The following GRID2 variants were observed in gnomAD, a reference collection of about 807,000 sequenced individuals.
GRID2 encodes the protein glutamate receptor ionotropic, delta-2.
GRID2 carries 33 observed loss-of-function variants against 114.8 expected under a neutral mutation model. The observed-to-expected ratio is 0.29, with a 90% CI of 0.22 to 0.38. The LOEUF is 0.38. GRID2 is among the 10% of genes least tolerant of loss of function. The pLI, the probability that GRID2 is intolerant of heterozygous loss-of-function variation, is 1.00. For missense variants in GRID2, 1,184 were observed against 1,257.7 expected (o/e 0.94, Z 0.89); for synonymous variants, 505 against 449.9 (o/e 1.12, Z -1.55).
chr4:93,756,776 C>A (rs573625305), intron 14 of GRID2, among the ~76,000 whole-genome samples: 2 of 152,128 alleles, frequency 1.3e-5, no homozygotes, highest in Non-Finnish European at 2.9e-5. Context: ...TTGTTTTTTA[C>A]GTCCATGACA....
intron 12 of GRID2, among the ~76,000 whole-genome samples, chr4:93,495,848 T>C (rs1727482964): frequency 6.6e-6 from 1 of 151,810 alleles, no homozygotes; most frequent in Non-Finnish European, 1.5e-5. Context: ...GATGTAAGAA[T>C]ATTGCCTCAG....
At chr4:92,752,187 G>T (rs1376256464) in intron 2 of GRID2, among the ~76,000 whole-genome samples, 1 of 152,158 alleles carries the variant, frequency 6.6e-6, no homozygotes, top group South Asian at 2.1e-4. Flanking sequence ...TGCTGGAGTG[G>T]ATTCATGAAA....
chr4:93,375,990 C>A (rs1341819173), intron 8 of GRID2, among the ~76,000 whole-genome samples: 1 of 152,108 alleles, frequency 6.6e-6, no homozygotes. Context: ...AGATGGCCAA[C>A]TTTTCCCTGT....
At chr4:92,472,528 A>C (rs1722096631) in intron 1 of GRID2, among the ~76,000 whole-genome samples, 1 of 152,118 alleles carries the variant, frequency 6.6e-6, no homozygotes, top group Non-Finnish European at 1.5e-5. Context: ...GAGTTGTAAC[A>C]TTTTACTTTC....
chr4:93,329,858 T>C (rs1337655525), intron 8 of GRID2, among the ~76,000 whole-genome samples: 2 of 151,620 alleles, frequency 1.3e-5, no homozygotes, highest in Non-Finnish European at 2.9e-5. Flanking sequence ...TTTACAAACG[T>C]AGGATTCTGC....
intron 2 of GRID2, among the ~76,000 whole-genome samples, chr4:92,668,500 G>A (rs771726269): frequency 3.3e-5 from 5 of 151,638 alleles, no homozygotes; most frequent in Admixed American, 1.3e-4. Context: ...ATCTATTAAT[G>A]CTTCATTTAA....
chr4:93,677,631 G>A (rs927089771), intron 14 of GRID2, among the ~76,000 whole-genome samples: 18 of 152,220 alleles, frequency 1.2e-4, no homozygotes, highest in East Asian at 9.7e-4. Context: ...ATGAAAATCC[G>A]CGGTTCTGCA....
At chr4:92,917,953 T>G (rs1230487120) in intron 2 of GRID2, among the ~76,000 whole-genome samples, 1 of 152,136 alleles carries the variant, frequency 6.6e-6, no homozygotes, top group Non-Finnish European at 1.5e-5. Flanking sequence ...GTATGGCCAT[T>G]TTCACAATAT....
intron 13 of GRID2, among the ~76,000 whole-genome samples, chr4:93,571,897 C>T (rs1028129792): frequency 6.6e-6 from 1 of 152,058 alleles, no homozygotes; most frequent in African/African-American, 2.4e-5. Flanking sequence ...GCTCTGTTAA[C>T]CTTCTAGATC....
intron 8 of GRID2, among the ~76,000 whole-genome samples, chr4:93,284,456 A>G (rs1259440477): frequency 6.6e-6 from 1 of 151,944 alleles, no homozygotes; most frequent in Non-Finnish European, 1.5e-5. Context: ...ACCCCCTATG[A>G]TACACATTTA....
rs377329061 is a variant in GRID2 at position 92,560,699 on chromosome 4, A to C, written c.89-29432A>C. Among the ~76,000 whole-genome samples, 28 of 152,112 alleles carry C rather than the reference A, an allele frequency of 1.8e-4. 1 individual carries two copies. The South Asian group carries it at 1.9e-3, about 10-fold the overall frequency. Reference sequence around the variant, plus strand: ...CAGACCTTGTTGAAGCCCACCTTCTACATGGAACTAATTTTTTTTTTCTTG... The same window carrying C: ...CAGACCTTGTTGAAGCCCACCTTCTCCATGGAACTAATTTTTTTTTTCTTG... On this transcript the variant is annotated intron_variant, in intron 1 of 15. Transcript: ENST00000282020.
chr4:92,410,746 T>C (rs1579314803), intron 1 of GRID2, among the ~76,000 whole-genome samples: 1 of 152,178 alleles, frequency 6.6e-6, no homozygotes, highest in East Asian at 1.9e-4. Flanking sequence ...GCAGATATTT[T>C]TCAGAATTCA....
chr4:93,233,267 T>C (rs1372976076), intron 7 of GRID2, among the ~76,000 whole-genome samples: 1 of 152,044 alleles, frequency 6.6e-6, no homozygotes, highest in South Asian at 2.1e-4. Flanking sequence ...TGATAAACGA[T>C]GTTGAAATTT....
intron 1 of GRID2, among the ~76,000 whole-genome samples, chr4:92,365,612 T>C (rs559244926): frequency 1.3e-5 from 2 of 152,090 alleles, no homozygotes; most frequent in South Asian, 2.1e-4. Flanking sequence ...TAATATTGTA[T>C]TATATATTTC....
chr4:93,679,870 A>G (rs1300562278), intron 14 of GRID2, among the ~76,000 whole-genome samples: 1 of 151,152 alleles, frequency 6.6e-6, no homozygotes, highest in African/African-American at 2.5e-5. Flanking sequence ...TAAAAGAACT[A>G]GAAAAGCAAG....
intron 2 of GRID2, among the ~76,000 whole-genome samples, chr4:92,898,051 A>T (rs896725394): frequency 3.3e-5 from 5 of 152,204 alleles, no homozygotes; most frequent in African/African-American, 7.2e-5. Context: ...AAAGTTGTAG[A>T]TAATATATAA....
intron 2 of GRID2, among the ~76,000 whole-genome samples, chr4:93,031,196 C>T (rs566902133): frequency 6.6e-6 from 1 of 151,810 alleles, no homozygotes; most frequent in Admixed American, 6.6e-5. Context: ...TAGGCACCTG[C>T]CACCACGCCC....
chr4:92,443,144 C>T (rs1162950544), intron 1 of GRID2, among the ~76,000 whole-genome samples: 10 of 152,052 alleles, frequency 6.6e-5, no homozygotes, highest in Admixed American at 3.3e-4. Context: ...ACGAGTTGCA[C>T]TGGGCACAGA....
intron 13 of GRID2, among the ~76,000 whole-genome samples, chr4:93,603,071 G>A (rs537660201): frequency 6.6e-5 from 10 of 152,236 alleles, no homozygotes; most frequent in Admixed American, 1.3e-4. Context: ...TTAGCCAGAC[G>A]TGGTGGCAGG....
Sources: allele counts gnomAD v4.1 joint callset (sites outside exome capture counted in the v4.1 genomes callset), GRCh38; gene constraint gnomAD v4.1.1; transcripts MANE v1.5; gene names NCBI Gene and HGNC (gene_info 2026-07-23, HGNC 2026-07-21).